The following CETP variants were observed in gnomAD, a reference collection of about 807,000 sequenced individuals.
CETP encodes BPI fold containing family F.
A neutral mutation model predicts 66.5 loss-of-function variants in CETP; 56 were observed. The ratio of observed to expected loss-of-function variants is 0.84; its 90% CI spans 0.68 to 1.05. CETP has a LOEUF of 1.05. CETP is among the 50% of genes least tolerant of loss of function. The pLI, the probability that CETP is intolerant of heterozygous loss-of-function variation, is 0.00. For missense variants in CETP, 612 were observed against 609.6 expected, an observed-to-expected ratio of 1.00 and a Z score of -0.04; for synonymous variants, 251 against 245.7, an observed-to-expected ratio of 1.02 and a Z score of -0.20.
rs151104194 is a variant in CETP, at chr16:56,976,766, G to C, written c.982-1325G>C. Among the ~76,000 whole-genome samples the C allele has an allele frequency of 1.2e-3, 178 of 152,134 alleles. 1 individual carries two copies. The highest frequency in any genetic ancestry group is 4.1e-3 in the African/African-American group (172 of 41,506). On this transcript the variant is annotated intron_variant, in intron 10 of 15. Transcript: ENST00000200676. The stretch of plus-strand genomic sequence containing the variant: ...ATTTTCCGTGTCTCTTAGTTGCTCT[G>C]TCGTGTTTTCCATCTCTTTTATCTC...
At position 56,975,110 on chromosome 16, in the gene CETP, G is replaced by A. The variant is rs140547417; in HGVS notation, c.940G>A (p.Glu314Lys). 978 of 1,614,058 alleles carry A rather than the reference G, an allele frequency of 6.1e-4. No homozygotes were observed. The highest frequency in any genetic ancestry group is 7.4e-4 in the Non-Finnish European group (876 of 1,179,976). ...CCTCATTTCTTTTCAGGCAGTGCTG[G>A]AGACCTGGGGCTTCAACACCAACCA... ...LMGDEFKAVL[E>K]TWGFNTNQEI... The change falls in exon 10 of 16, where the codon GAG becomes AAG. Residue 314 changes from glutamate (E) to lysine (K), a missense_variant. By Grantham distance (56) the Glu-to-Lys change is moderately conservative (BLOSUM62 1). Coordinates refer to ENST00000200676, the MANE Select transcript of CETP (RefSeq NM_000078.3).
chr16:56,976,968 G>A (rs528789549), intron 10 of CETP, among the ~76,000 whole-genome samples: 32 of 152,112 alleles, frequency 2.1e-4, no homozygotes, highest in Non-Finnish European at 3.4e-4. Context: ...GAGTGCAGTG[G>A]CGCAATCTCA....
intron 1 of CETP, 186 bp downstream of exon 1, chr16:56,962,283 G>A (rs566590569): frequency 8.1e-6 from 6 of 741,840 alleles, no homozygotes; most frequent in Admixed American, 7.2e-5. Flanking sequence ...TCGCCTTCAA[G>A]GTCAAGTTCT....
intron 2 of CETP, among the ~76,000 whole-genome samples, chr16:56,965,877 G>C (rs1257291594): frequency 1.3e-5 from 2 of 151,964 alleles, no homozygotes; most frequent in Non-Finnish European, 2.9e-5. Flanking sequence ...GGCACAGGCA[G>C]CACAGATCCT....
intron 10 of CETP, among the ~76,000 whole-genome samples, chr16:56,975,353 G>C (rs2056142444): frequency 6.6e-6 from 1 of 152,198 alleles, no homozygotes; most frequent in Non-Finnish European, 1.5e-5. Flanking sequence ...CTATGAGTGG[G>C]GCGGTCAAAC....
chr16:56,980,584 A>T (rs1486638412), intron 11 of CETP, among the ~76,000 whole-genome samples: 1 of 151,940 alleles, frequency 6.6e-6, no homozygotes, highest in East Asian at 1.9e-4. Flanking sequence ...TTATTTACTT[A>T]TTTTTTTGTT....
At chr16:56,963,951 G>A (rs1251091663) in intron 2 of CETP, among the ~76,000 whole-genome samples, 1 of 151,780 alleles carries the variant, frequency 6.6e-6, no homozygotes, top group East Asian at 1.9e-4. Context: ...TTACAGGCGT[G>A]AGCCACCACG....
At position 56,983,396 on chromosome 16, in the gene CETP, GA is replaced by G; in HGVS notation, c.1393del (p.Ile465LeufsTer28). ...GCCTCTTCGACATCATCAACCCTGA[GA>G]TTATCACTCGAGATGTGAGTACAAA... is the stretch of plus-strand genomic sequence containing the variant. ...VSLFDIINPEIITRDGFLLLQ... is the reference protein window; with the variant it reads ...VSLFDIINPEXITRDGFLLLQ... On this transcript the variant is annotated frameshift_variant, in exon 15 of 16. Coordinates refer to ENST00000200676, the MANE Select transcript of CETP (RefSeq NM_000078.3). LOFTEE classifies it high-confidence loss of function. 6.2e-7 allele frequency: 1 copy of G among 1,614,190 alleles called. No individual in the cohort carries two copies. The highest frequency in any genetic ancestry group is 8.5e-7 in the Non-Finnish European group (1 of 1,180,022).
At chr16:56,962,935 C>T in intron 1 of CETP, 75 bp from the exon 2 acceptor site, 3 of 1,348,620 alleles carry the variant, frequency 2.2e-6, no homozygotes, top group Non-Finnish European at 3.2e-6. Flanking sequence ...TGAGTCATGG[C>T]CAAGGCCAGT....
chr16:56,971,966 C>A (rs1309968104), intron 7 of CETP, 26 bp from the exon 8 acceptor site: 7 of 1,602,970 alleles, frequency 4.4e-6, no homozygotes, highest in Non-Finnish European at 6.0e-6. Flanking sequence ...ATCCTGAGGC[C>A]CTGCGTTGAT....
At chr16:56,969,280 G>A (rs1259251194) in intron 2 of CETP, 106 bp from the exon 3 acceptor site, 7 of 1,432,596 alleles carry the variant, frequency 4.9e-6, no homozygotes, top group Non-Finnish European at 6.9e-6. Flanking sequence ...GACATTTTGG[G>A]GGCCATGATT....
rs777587951 is a variant in CETP at position 56,969,526 on chromosome 16, C to A, written c.368+6C>A. 5.6e-6 allele frequency: 9 copies of A among 1,614,126 alleles called. No individual in the cohort carries two copies. The highest frequency in any genetic ancestry group is 3.3e-4 in the Middle Eastern group (2 of 6,084). ...GGCTACACCACTGCCTGGTGGTAAGCATTCCTGTCAGCTGATGCCCCATGC... is the reference window on the plus strand; with the variant it reads ...GGCTACACCACTGCCTGGTGGTAAGAATTCCTGTCAGCTGATGCCCCATGC... On this transcript the variant is annotated splice_donor_region_variant and intron_variant, in intron 3 of 15. Transcript: ENST00000200676.
At chr16:56,972,657 T>TCA (rs1386070887) in intron 8 of CETP, among the ~76,000 whole-genome samples, 1 of 152,142 alleles carries the variant, frequency 6.6e-6, no homozygotes, top group Non-Finnish European at 1.5e-5. Context: ...CCCACTCTGC[T>TCA]CACAGCCCGT....
At chr16:56,968,010 C>A (rs912805485) in intron 2 of CETP, among the ~76,000 whole-genome samples, 2 of 151,292 alleles carry the variant, frequency 1.3e-5, no homozygotes, top group Non-Finnish European at 2.9e-5. Context: ...GAATTTGGAG[C>A]AATCTAGTTG....
chr16:56,969,367 C>G lies in CETP; in HGVS notation c.234-19C>G. The G allele has an allele frequency of 6.2e-7, 1 of 1,613,274 alleles. No individual in the cohort carries two copies. The highest frequency in any genetic ancestry group is 8.5e-7 in the Non-Finnish European group (1 of 1,180,026). ...CTGGATGACCCCCAACATCCTTCCT[C>G]ACTTCCATTCCTTCCCAGCATCCAG... is the stretch of plus-strand genomic sequence containing the variant. On this transcript the variant is annotated intron_variant, in intron 2 of 15. Coordinates refer to ENST00000200676, the MANE Select transcript of CETP (RefSeq NM_000078.3).
chr16:56,971,360 G>A lies in CETP; in HGVS notation c.637G>A (p.Asp213Asn), dbSNP rs371233223. ...EINVISNIMA[D>N]FVQTRAASIL... ...CAACGTCATCTCTAACATCATGGCC[G>A]ATTTTGTCCAGACAAGGGCTGGTGA... The change falls in exon 7 of 16, where the codon GAT (aspartate) becomes AAT (asparagine). Residue 213 changes from aspartate (D) to asparagine (N), a missense_variant. Transcript: ENST00000200676. The A allele has an allele frequency of 2.7e-5, 43 of 1,613,880 alleles. No individual in the cohort carries two copies. Among genetic ancestry groups the A allele is most frequent in the African/African-American group, 4.0e-5 (3 of 74,926 alleles).
chr16:56,971,241 G>T, intron 6 of CETP, 80 bp from the exon 7 acceptor site: 1 of 1,553,208 alleles, frequency 6.4e-7, no homozygotes, highest in East Asian at 2.2e-5. Flanking sequence ...CCCCAGCACT[G>T]CCACCACCAC....
At chr16:56,970,971 C>T in intron 5 of CETP, 62 bp from the exon 6 acceptor site, 5 of 1,498,822 alleles carry the variant, frequency 3.3e-6, no homozygotes, top group Non-Finnish European at 4.7e-6. Flanking sequence ...CTGGTACACA[C>T]TAGGCGCTCC....
Position 56,970,912 on chromosome 16 carries a change from T to C in CETP, c.528-121T>C, listed in dbSNP as rs1266435989. The C allele has an allele frequency of 6.8e-5, 61 of 901,888 alleles. No homozygotes were observed. The Middle Eastern group carries it at 1.3e-3, about 19-fold the overall frequency. 55.9% of individuals were successfully genotyped at this position (901,888 alleles called of 1,614,324 possible). ...AGCTGCAAAATGGGAGTGATAATTC[T>C]TACTTCCTGAGCTACAAGAGTCAGG... On this transcript the variant is annotated intron_variant, in intron 5 of 15. Coordinates refer to ENST00000200676, the MANE Select transcript of CETP (RefSeq NM_000078.3).
Sources: allele counts gnomAD v4.1 joint callset (sites outside exome capture counted in the v4.1 genomes callset), GRCh38; gene constraint gnomAD v4.1.1; transcripts MANE v1.5; gene names NCBI Gene and HGNC (gene_info 2026-07-23, HGNC 2026-07-21).